PDE1C: variants seen among roughly 807,000 people sequenced by gnomAD.
The protein encoded by PDE1C is phosphodiesterase 1C.
In PDE1C, 62 loss-of-function variants were observed where a neutral mutation model predicts 93.1. That is an observed-to-expected ratio of 0.67 (90% CI 0.54 to 0.82). The LOEUF (loss-of-function observed/expected upper bound fraction) is 0.82. Ranked by LOEUF, PDE1C falls within the 40% of genes least tolerant of loss-of-function variation. The probability of loss-of-function intolerance (pLI) is 0.00; values close to 1 mark genes in which losing one functional copy is unlikely to be tolerated. For synonymous variants in PDE1C, 325 were observed against 310.1 expected (o/e 1.05, Z -0.50); for missense variants, 742 against 884.6 (o/e 0.84, Z 2.04).
Position 32,029,743 on chromosome 7 carries a change from T to C in PDE1C, c.128+21811A>G, listed in dbSNP as rs554423878. Among the ~76,000 whole-genome samples the C allele has an allele frequency of 4.0e-3, 606 of 152,184 alleles. 1 individual carries two copies. The highest frequency in any genetic ancestry group is 0.014 in the African/African-American group (580 of 41,548). ...TAGGTTTAAAAAATTGTGTAAATGTTGTAAAAGGGATTTTCAAGGCAATGA... is the reference window on the plus strand; with the variant it reads ...TAGGTTTAAAAAATTGTGTAAATGTCGTAAAAGGGATTTTCAAGGCAATGA... On this transcript the variant is annotated intron_variant, in intron 2 of 17. Coordinates refer to ENST00000396191, the MANE Select transcript of PDE1C (RefSeq NM_001191057.4).
intron 1 of PDE1C, among the ~76,000 whole-genome samples, chr7:32,380,853 A>C (rs73306199): frequency 0.056 from 8,487 of 151,978 alleles, 538 homozygotes; most frequent in South Asian, 0.17. Flanking sequence ...GAGTTTGCAG[A>C]GGTCTTTTTT....
At chr7:31,692,465 G>T in the PDE1C span, 1 of 1,611,666 alleles carries the variant, frequency 6.2e-7, no homozygotes, top group East Asian at 2.2e-5. Flanking sequence ...AGCAAATGCA[G>T]CCACTGGAAC....
intron 1 of PDE1C, among the ~76,000 whole-genome samples, chr7:32,217,433 A>G (rs1382716464): frequency 1.3e-5 from 2 of 151,920 alleles, no homozygotes; most frequent in African/African-American, 4.8e-5. Flanking sequence ...GTGAGGATCA[A>G]TAGTAAAGCA....
chr7:31,670,402 A>G, the PDE1C span, among the ~76,000 whole-genome samples: 148 of 152,224 alleles, frequency 9.7e-4, 1 homozygote, highest in African/African-American at 3.4e-3. Flanking sequence ...TCCCCCCTGC[A>G]CTGGTTACAG....
At chr7:32,374,187 A>AAAG (rs1323652633) in intron 1 of PDE1C, among the ~76,000 whole-genome samples, 11 of 141,188 alleles carry the variant, frequency 7.8e-5, no homozygotes, top group African/African-American at 2.7e-4. Context: ...AGAAAGAAAG[A>AAAG]AAGAAAGAGA....
chr7:31,710,690 G>T, the PDE1C span, among the ~76,000 whole-genome samples: 1 of 152,172 alleles, frequency 6.6e-6, no homozygotes, highest in Middle Eastern at 3.2e-3. Flanking sequence ...TGTAAATGAG[G>T]CTCCCTTGCC....
chr7:31,971,173 T>A (rs1040828879), intron 2 of PDE1C, among the ~76,000 whole-genome samples: 2 of 152,058 alleles, frequency 1.3e-5, no homozygotes, highest in African/African-American at 2.4e-5. Flanking sequence ...TAGAGAAAGA[T>A]GACAGAAAGC....
intron 1 of PDE1C, among the ~76,000 whole-genome samples, chr7:32,283,390 G>A (rs1328455166): frequency 6.6e-6 from 1 of 152,146 alleles, no homozygotes; most frequent in Non-Finnish European, 1.5e-5. Context: ...TAGTGGTTCT[G>A]TCTACATGTT....
At chr7:31,944,353 T>C (rs1055948370) in intron 2 of PDE1C, among the ~76,000 whole-genome samples, 1 of 152,202 alleles carries the variant, frequency 6.6e-6, no homozygotes, top group Non-Finnish European at 1.5e-5. Flanking sequence ...TCCACCATTC[T>C]GGACTCTTCC....
intron 1 of PDE1C, among the ~76,000 whole-genome samples, chr7:32,378,563 A>G (rs1426216320): frequency 6.6e-6 from 1 of 152,208 alleles, no homozygotes; most frequent in Non-Finnish European, 1.5e-5. Context: ...AAGATATGCA[A>G]CTTCCCCAGT....
intron 2 of PDE1C, among the ~76,000 whole-genome samples, chr7:32,043,840 C>T (rs1262349049): frequency 3.3e-5 from 5 of 152,192 alleles, no homozygotes; most frequent in Non-Finnish European, 7.3e-5. Flanking sequence ...GCCTCTACAC[C>T]GGCCAGTGTG....
At chr7:31,860,155 A>G (rs1328512946) in intron 7 of PDE1C, among the ~76,000 whole-genome samples, 2 of 152,176 alleles carry the variant, frequency 1.3e-5, no homozygotes, top group African/African-American at 4.8e-5. Flanking sequence ...AGTATATGAG[A>G]ACATAATTTC....
intron 17 of PDE1C, among the ~76,000 whole-genome samples, chr7:31,755,645 C>T (rs1239686600): frequency 6.6e-6 from 1 of 152,006 alleles, no homozygotes; most frequent in Non-Finnish European, 1.5e-5. Flanking sequence ...GAAAGATCTA[C>T]TGAATGATCA....
intron 16 of PDE1C, among the ~76,000 whole-genome samples, chr7:31,808,063 A>G (rs1787077514): frequency 1.3e-5 from 2 of 152,072 alleles, no homozygotes. Context: ...ACAGCATGTC[A>G]TAACAGCTTA....
chr7:32,361,672 C>T (rs1171524668), intron 1 of PDE1C, among the ~76,000 whole-genome samples: 1 of 152,130 alleles, frequency 6.6e-6, no homozygotes, highest in African/African-American at 2.4e-5. Context: ...TGACACCTTC[C>T]TTAAGTCACC....
intron 11 of PDE1C, among the ~76,000 whole-genome samples, chr7:31,829,933 T>A (rs377263711): frequency 1.3e-5 from 2 of 152,174 alleles, no homozygotes; most frequent in Non-Finnish European, 2.9e-5. Flanking sequence ...GTAGCAGGGA[T>A]ACAAATTGTT....
chr7:32,361,884 A>G (rs73092199), intron 1 of PDE1C, among the ~76,000 whole-genome samples: 9,890 of 152,086 alleles, frequency 0.065, 474 homozygotes, highest in South Asian at 0.21. Flanking sequence ...TCTGCTCTTT[A>G]CTCCTCAAGA....
chr7:31,692,572 G>A, the PDE1C span: 9 of 1,524,072 alleles, frequency 5.9e-6, no homozygotes, highest in Non-Finnish European at 8.2e-6. Context: ...TCAGAGAAGA[G>A]GCGTCTCAGC....
At chr7:31,636,832 C>T in the PDE1C span, among the ~76,000 whole-genome samples, 1 of 151,026 alleles carries the variant, frequency 6.6e-6, no homozygotes, top group Admixed American at 6.6e-5. Flanking sequence ...CACCCATTAA[C>T]TCATCATTCA....
Sources: allele counts gnomAD v4.1 joint callset (sites outside exome capture counted in the v4.1 genomes callset), GRCh38; gene constraint gnomAD v4.1.1; transcripts MANE v1.5; gene names NCBI Gene and HGNC (gene_info 2026-07-23, HGNC 2026-07-21).